FNBP4: variants seen among roughly 807,000 people sequenced by gnomAD.
The protein encoded by FNBP4 is formin binding protein 4, also known as formin-binding protein 4.
In FNBP4, 34 loss-of-function variants were observed where a neutral mutation model predicts 119.3. The ratio of observed to expected loss-of-function variants is 0.28; its 90% confidence interval spans 0.22 to 0.38. The LOEUF (loss-of-function observed/expected upper bound fraction) is 0.38. Ranked by LOEUF, FNBP4 falls within the 10% of genes least tolerant of loss-of-function variation. The pLI is 1.00. For missense variants in FNBP4, 1,112 were observed against 1,228.9 expected (o/e 0.90, Z 1.42); for synonymous variants, 462 against 430.6 (o/e 1.07, Z -0.90).
Position 47,765,327 on chromosome 11 carries a change from C to T in FNBP4, c.256G>A (p.Val86Ile), listed in dbSNP as rs1279241746. 1 of 1,610,174 alleles carries T rather than the reference C, an allele frequency of 6.2e-7. No individual in the cohort carries two copies. Among genetic ancestry groups the T allele is most frequent in the East Asian group, 2.2e-5 (1 of 44,796 alleles). ...ATGACTGGTTTTGGAGGATTCTGAA[C>T]AACTCTAGGAACCTCCTGCACCGCT... ...QEAVQEVPRV[V>I]QNPPKPVMTT... is the part of the protein sequence containing the mutation. The change falls in exon 2 of 17, where the codon GTT (valine) becomes ATT (isoleucine). Residue 86 changes from valine to isoleucine, a missense_variant. Val to Ile is a conservative substitution (Grantham distance 29, BLOSUM62 3). Around this residue, in one of 2 missense-constraint regions of FNBP4, gnomAD observed 286 missense variants for 240.1 expected, o/e 1.19. Transcript: ENST00000263773.
intron 15 of FNBP4, 97 bp from the exon 16 acceptor site, chr11:47,720,183 G>T: frequency 9.0e-7 from 1 of 1,106,750 alleles, no homozygotes; most frequent in Non-Finnish European, 1.3e-6. Flanking sequence ...CAGTTCTAAA[G>T]AATATGCACA....
At chr11:47,720,354 G>T (rs940219519) in intron 15 of FNBP4, among the ~76,000 whole-genome samples, 1 of 151,836 alleles carries the variant, frequency 6.6e-6, no homozygotes, top group Non-Finnish European at 1.5e-5. Context: ...GGATCACAAG[G>T]TCAGGAGATC....
intron 2 of FNBP4, among the ~76,000 whole-genome samples, chr11:47,759,195 C>T (rs2097627278): frequency 7.0e-6 from 1 of 142,372 alleles, no homozygotes; most frequent in South Asian, 2.4e-4. Flanking sequence ...GCTGGGATTA[C>T]AGGTGTGAGA....
At chr11:47,758,323 G>C (rs1266438737) in intron 2 of FNBP4, among the ~76,000 whole-genome samples, 1 of 152,074 alleles carries the variant, frequency 6.6e-6, no homozygotes, top group Non-Finnish European at 1.5e-5. Context: ...CCATCCTCCT[G>C]CCTCAGTCTC....
chr11:47,752,984 G>T lies in FNBP4; in HGVS notation c.569C>A (p.Thr190Asn). ...EAATSTLSSS[T>N]SNGTDSTQTS... Reference sequence around the variant, plus strand: ...TTGGGTGGAGTCTGTTCCATTTGAAGTAGAAGAAGAAAGGGTAGATGTTGC... The same window carrying T: ...TTGGGTGGAGTCTGTTCCATTTGAATTAGAAGAAGAAAGGGTAGATGTTGC... Residue 190 changes from threonine to asparagine, a missense_variant, in exon 4 of 17, where the codon ACT becomes AAT. Physicochemically the swap from Thr to Asn is moderately conservative, Grantham distance 65 (BLOSUM62 0). Around this residue, in one of 2 missense-constraint regions of FNBP4, gnomAD observed 826 missense variants for 988.8 expected, o/e 0.84. Coordinates refer to ENST00000263773, the MANE Select transcript of FNBP4 (RefSeq NM_015308.5). 1 of 1,614,146 alleles carries T rather than the reference G, an allele frequency of 6.2e-7. No homozygotes were observed. Among genetic ancestry groups the T allele is most frequent in the African/African-American group, 1.3e-5 (1 of 75,044 alleles).
intron 12 of FNBP4, 199 bp downstream of exon 12, chr11:47,731,175 G>T: frequency 2.2e-6 from 1 of 456,242 alleles, no homozygotes; most frequent in Non-Finnish European, 3.7e-6. Context: ...TTCACTTTGG[G>T]GCACAGTTTT....
intron 12 of FNBP4, chr11:47,729,970 T>C (rs781655365): frequency 1.2e-4 from 120 of 985,454 alleles, no homozygotes; most frequent in Non-Finnish European, 1.4e-4. Context: ...CTGTTTTAAT[T>C]AAATAGGAAT....
intron 3 of FNBP4, among the ~76,000 whole-genome samples, chr11:47,753,402 G>C (rs1303095697): frequency 6.6e-6 from 1 of 152,172 alleles, no homozygotes; most frequent in East Asian, 1.9e-4. Context: ...CCTGAGGTCA[G>C]AAGTTCAAAA....
At position 47,750,957 on chromosome 11, in the gene FNBP4, T is replaced by C; in HGVS notation, c.865A>G (p.Ser289Gly). 6.2e-7 allele frequency: 1 copy of C among 1,614,070 alleles called. No homozygotes were observed. ...SKEKTISVSS[S>G]KSGPVIAKRE... is the part of the protein sequence containing the mutation. ...TTGGCTATGACTGGTCCACTTTTAC[T>C]ACTGGAAACAGAAATCGTTTTCTCC... is the stretch of plus-strand genomic sequence containing the variant. The change falls in exon 6 of 17, where the codon AGT (serine) becomes GGT (glycine). Residue 289 changes from serine (S) to glycine (G), a missense_variant. Ser to Gly is a moderately conservative substitution (Grantham distance 56). Transcript: ENST00000263773.
At chr11:47,760,686 A>T (rs1233035347) in intron 2 of FNBP4, among the ~76,000 whole-genome samples, 1 of 152,056 alleles carries the variant, frequency 6.6e-6, no homozygotes, top group African/African-American at 2.4e-5. Context: ...CACCCGCTTC[A>T]GGCTCCCAAA....
At chr11:47,762,137 T>G (rs1164375215) in intron 2 of FNBP4, among the ~76,000 whole-genome samples, 1 of 125,670 alleles carries the variant, frequency 8.0e-6, no homozygotes, top group African/African-American at 2.8e-5. Flanking sequence ...AGCGTCTGGC[T>G]GTTTTTTTTT....
intron 9 of FNBP4, among the ~76,000 whole-genome samples, chr11:47,735,010 GCACAGCATGGTGA>G (rs1315782068): frequency 8.6e-6 from 1 of 116,772 alleles, no homozygotes; most frequent in Non-Finnish European, 1.7e-5. Flanking sequence ...GAAATCTAAA[GCACAGCATGGTGA>G]CTACAGTTAA....
intron 7 of FNBP4, 69 bp downstream of exon 7, chr11:47,745,987 C>A: frequency 7.7e-7 from 1 of 1,305,746 alleles, no homozygotes. Flanking sequence ...GGTTGTAAGT[C>A]AAGCACAATG....
At chr11:47,725,917 A>G (rs1374499634) in intron 12 of FNBP4, 4 of 386,954 alleles carry the variant, frequency 1.0e-5, no homozygotes, top group Non-Finnish European at 1.4e-5. Flanking sequence ...AATGAAACCC[A>G]GGCAGGAACT....
intron 15 of FNBP4, among the ~76,000 whole-genome samples, chr11:47,722,141 AG>A (rs1197727708): frequency 2.3e-5 from 3 of 130,268 alleles, no homozygotes; most frequent in Admixed American, 8.3e-5. Flanking sequence ...ACAAAAGCAG[AG>A]GGTTTTTTTT....
chr11:47,731,440 T>C lies in FNBP4; in HGVS notation c.1942A>G (p.Lys648Glu), dbSNP rs1304684066. The C allele has an allele frequency of 1.2e-6, 2 of 1,614,028 alleles. No individual in the cohort carries two copies. The highest frequency in any genetic ancestry group is 2.7e-5 in the African/African-American group (2 of 74,936). The part of the protein sequence containing the change: ...AQENRDETLA[K>E]QTLKDKTGTD... ...CCAGTTTTGTCTTTCAAGGTCTGTT[T>C]GGCAAGAGTCTCATCTCTATTTTCT... The change falls in exon 12 of 17, where the codon AAA becomes GAA. Residue 648 changes from lysine to glutamate, a missense_variant. Transcript: ENST00000263773.
Position 47,732,361 on chromosome 11 carries a change from T to C in FNBP4, c.1820+176A>G. On this transcript the variant is annotated intron_variant, in intron 11 of 16. Coordinates refer to ENST00000263773, the MANE Select transcript of FNBP4 (RefSeq NM_015308.5). The surrounding 1 kb of genome is among the most constrained non-coding windows in gnomAD (Gnocchi z 4.2). ...TGGAACACTTTAAACATTGCTTTTG[T>C]TTCTCCAATGTGTGGCTGGCCAAAC... 6.6e-7 allele frequency: 1 copy of C among 1,504,712 alleles called. No homozygotes were observed. The highest frequency in any genetic ancestry group is 8.8e-7 in the Non-Finnish European group (1 of 1,131,156). The allele number at this position is 1,504,712 out of a possible 1,614,324, so 93.2% of individuals were successfully genotyped here.
chr11:47,725,216 T>C (rs1055395576), intron 12 of FNBP4: 37 of 153,760 alleles, frequency 2.4e-4, no homozygotes, highest in African/African-American at 7.7e-4. Context: ...TAAAAGGTAA[T>C]AGTCTGGAGT....
intron 12 of FNBP4, 48 bp from the exon 13 acceptor site, chr11:47,724,826 T>C (rs774756328): frequency 1.3e-6 from 2 of 1,516,354 alleles, no homozygotes. Context: ...AAAAACTCCC[T>C]GGCTTATATT....
Sources: gnomAD v4.1 joint callset for allele counts (sites outside exome capture counted in the v4.1 genomes callset) on GRCh38, gnomAD v4.1.1 for gene constraint, gnomAD v4.1.1 regional missense constraint, Gnocchi (gnomAD v3.1) non-coding constraint, MANE v1.5 for transcripts, NCBI Gene and HGNC (gene_info 2026-07-23, HGNC 2026-07-21) for gene names.